The following LINGO2 variants were observed in gnomAD, a reference collection of about 807,000 sequenced individuals.
LINGO2 encodes the protein leucine-rich repeat and immunoglobulin-like domain-containing nogo receptor-interacting protein 2.
In LINGO2, 14 loss-of-function variants were observed where a neutral mutation model predicts 30.6. That is an observed-to-expected ratio of 0.46 (90% CI 0.30 to 0.72). LINGO2 has a LOEUF of 0.72. Ranked by LOEUF, LINGO2 falls within the 30% of genes least tolerant of loss-of-function variation. The pLI is 0.07. For synonymous variants in LINGO2, 317 were observed against 288.5 expected (o/e 1.10, Z -1.00); for missense variants, 729 against 751.7 (o/e 0.97, Z 0.35).
At chr9:28,678,150 A>AT in the LINGO2 span, among the ~76,000 whole-genome samples, 1 of 151,600 alleles carries the variant, frequency 6.6e-6, no homozygotes, top group South Asian at 2.1e-4. Flanking sequence ...TATTAAAAAA[A>AT]AAAAAAAAAC....
intron 5 of LINGO2, among the ~76,000 whole-genome samples, chr9:28,008,789 CAT>C (rs1822399234): frequency 6.6e-6 from 1 of 152,154 alleles, no homozygotes; most frequent in African/African-American, 2.4e-5. Flanking sequence ...AAATATACCA[CAT>C]ATGTTCACCG....
At chr9:29,032,360 T>A in the LINGO2 span, among the ~76,000 whole-genome samples, 1 of 152,162 alleles carries the variant, frequency 6.6e-6, no homozygotes, top group Non-Finnish European at 1.5e-5. Flanking sequence ...AACTCCTTTA[T>A]CTGCAAAATG....
At chr9:28,446,343 T>C (rs1397512051) in intron 2 of LINGO2, among the ~76,000 whole-genome samples, 3 of 152,212 alleles carry the variant, frequency 2.0e-5, no homozygotes, top group African/African-American at 4.8e-5. Flanking sequence ...GTTTATAATA[T>C]AAAATTTCAA....
the LINGO2 span, among the ~76,000 whole-genome samples, chr9:28,941,329 T>C: frequency 6.6e-6 from 1 of 152,148 alleles, no homozygotes; most frequent in African/African-American, 2.4e-5. Flanking sequence ...AATTTTACTG[T>C]CATTCCTCAA....
At chr9:28,090,713 A>G (rs929553546) in intron 4 of LINGO2, among the ~76,000 whole-genome samples, 1 of 152,148 alleles carries the variant, frequency 6.6e-6, no homozygotes, top group South Asian at 2.1e-4. Flanking sequence ...AGTTCTGGCC[A>G]GGGCAATTAG....
At chr9:29,165,984 G>A in the LINGO2 span, among the ~76,000 whole-genome samples, 1 of 152,008 alleles carries the variant, frequency 6.6e-6, no homozygotes, top group Non-Finnish European at 1.5e-5. Flanking sequence ...TATACTTAGT[G>A]TATGTGTCTG....
At chr9:28,482,237 C>G (rs1311531927) in intron 1 of LINGO2, among the ~76,000 whole-genome samples, 1 of 151,882 alleles carries the variant, frequency 6.6e-6, no homozygotes, top group South Asian at 2.1e-4. Flanking sequence ...TACAGTCCCA[C>G]CAACAGTGTA....
intron 4 of LINGO2, among the ~76,000 whole-genome samples, chr9:28,030,030 A>G (rs1182141596): frequency 1.3e-5 from 2 of 152,222 alleles, no homozygotes; most frequent in Admixed American, 6.5e-5. Context: ...ACCAGATATC[A>G]GAATACACAA....
chr9:28,583,476 T>C (rs979836627), intron 1 of LINGO2, among the ~76,000 whole-genome samples: 8 of 152,044 alleles, frequency 5.3e-5, no homozygotes, highest in Admixed American at 3.3e-4. Flanking sequence ...TTGTGTAATA[T>C]TGTTTTCATG....
the LINGO2 span, among the ~76,000 whole-genome samples, chr9:28,694,282 T>A: frequency 2.6e-5 from 4 of 151,952 alleles, no homozygotes; most frequent in Non-Finnish European, 5.9e-5. Context: ...AAAATATATA[T>A]TCTATCTGCT....
At chr9:27,993,967 C>T (rs59911068) in intron 5 of LINGO2, among the ~76,000 whole-genome samples, 201 of 151,508 alleles carry the variant, frequency 1.3e-3, no homozygotes, top group African/African-American at 4.6e-3. Context: ...CTTCTCTGAC[C>T]ACCGTGGAAT....
intron 1 of LINGO2, among the ~76,000 whole-genome samples, chr9:28,657,266 T>C (rs1828387867): frequency 6.6e-6 from 1 of 152,118 alleles, no homozygotes; most frequent in South Asian, 2.1e-4. Context: ...ATTTTTTTAC[T>C]GCCATCACCA....
chr9:28,004,341 TAG>T (rs1215051178), intron 5 of LINGO2, among the ~76,000 whole-genome samples: 7 of 152,182 alleles, frequency 4.6e-5, no homozygotes, highest in African/African-American at 1.7e-4. Flanking sequence ...CATTAAAAGG[TAG>T]AGATTTTTAT....
chr9:29,023,348 T>C, the LINGO2 span, among the ~76,000 whole-genome samples: 2 of 152,164 alleles, frequency 1.3e-5, no homozygotes, highest in African/African-American at 4.8e-5. Flanking sequence ...AAATATCTGT[T>C]AATTTAAGGA....
chr9:28,940,816 G>C, the LINGO2 span, among the ~76,000 whole-genome samples: 1 of 152,052 alleles, frequency 6.6e-6, no homozygotes, highest in Non-Finnish European at 1.5e-5. Flanking sequence ...CCTGCTGTTT[G>C]CAAAACTTAC....
intron 1 of LINGO2, among the ~76,000 whole-genome samples, chr9:28,653,773 C>G (rs907923245): frequency 6.6e-6 from 1 of 152,004 alleles, no homozygotes; most frequent in Non-Finnish European, 1.5e-5. Context: ...GATCTTTATT[C>G]TGATTGGTTG....
chr9:28,234,576 A>AAAATGG (rs1821490980), intron 4 of LINGO2, among the ~76,000 whole-genome samples: 2 of 152,214 alleles, frequency 1.3e-5, no homozygotes, highest in African/African-American at 4.8e-5. Context: ...CAGGCAGAAG[A>AAAATGG]AAATGGAAAG....
At chr9:29,086,625 G>C in the LINGO2 span, among the ~76,000 whole-genome samples, 1 of 152,038 alleles carries the variant, frequency 6.6e-6, no homozygotes, top group South Asian at 2.1e-4. Context: ...GAAAAAAATT[G>C]AAAGAATAAG....
At chr9:28,838,118 A>G in the LINGO2 span, among the ~76,000 whole-genome samples, 1 of 152,252 alleles carries the variant, frequency 6.6e-6, no homozygotes, top group East Asian at 1.9e-4. Context: ...CTTCATAATT[A>G]TACTAAGACA....
Sources: gnomAD v4.1 joint callset for allele counts (sites outside exome capture counted in the v4.1 genomes callset) on GRCh38, gnomAD v4.1.1 for gene constraint, MANE v1.5 for transcripts, NCBI Gene and HGNC (gene_info 2026-07-23, HGNC 2026-07-21) for gene names.